The following TNNI3K variants were observed in gnomAD, a reference collection of about 807,000 sequenced individuals.
The protein encoded by TNNI3K is serine/threonine-protein kinase TNNI3K.
Under a neutral mutation model 114.5 loss-of-function variants are expected in TNNI3K, and 140 were observed. The observed-to-expected ratio is 1.22, with a 90% CI of 1.07 to 1.41. The LOEUF (loss-of-function observed/expected upper bound fraction) is 1.41. TNNI3K is among the 40% of genes most tolerant of loss of function. The pLI is 0.00. For synonymous variants in TNNI3K, 347 were observed against 347.5 expected (o/e 1.00, Z 0.02); for missense variants, 1,125 against 1,007.6 (o/e 1.12, Z -1.58).
intron 17 of TNNI3K, among the ~76,000 whole-genome samples, chr1:74,392,855 G>A (rs1339822328): frequency 6.6e-6 from 1 of 152,158 alleles, no homozygotes; most frequent in African/African-American, 2.4e-5. Flanking sequence ...TGCAAATGTT[G>A]GGAAGCATAA....
In TNNI3K at chr1:74,354,034, A is replaced by G. The variant is rs370193899; in HGVS notation, c.1082A>G (p.Asp361Gly). 41 of 1,613,946 alleles carry G rather than the reference A, an allele frequency of 2.5e-5. No homozygotes were observed. Among genetic ancestry groups the G allele is most frequent in the Non-Finnish European group, 3.5e-5 (41 of 1,180,010 alleles). ...ATTCGCCTGGTTCAGTTCTTACTGG[A>G]TAATGGAGCTGATATGAATCTAGTG... ...GHIRLVQFLL[D>G]NGADMNLVAC... The change falls in exon 11 of 25, where the codon GAT becomes GGT. Residue 361 changes from aspartate (D) to glycine (G), a missense_variant. By Grantham distance (94) the Asp-to-Gly change is moderately conservative. Transcript: ENST00000326637.
At chr1:74,400,253 C>G (rs1051677830) in intron 17 of TNNI3K, among the ~76,000 whole-genome samples, 1 of 152,156 alleles carries the variant, frequency 6.6e-6, no homozygotes, top group Admixed American at 6.5e-5. Context: ...GTCACCAACT[C>G]CACCCAAACC....
chr1:74,324,276 C>T (rs906028658), intron 5 of TNNI3K, among the ~76,000 whole-genome samples: 1 of 152,226 alleles, frequency 6.6e-6, no homozygotes, highest in Non-Finnish European at 1.5e-5. Flanking sequence ...AGGAGGGTCA[C>T]TCTTTAGGAG....
intron 2 of TNNI3K, among the ~76,000 whole-genome samples, chr1:74,244,012 G>T (rs760441681): frequency 6.6e-6 from 1 of 152,050 alleles, no homozygotes; most frequent in Non-Finnish European, 1.5e-5. Context: ...CAAAAGAAGA[G>T]AAAATGGAAT....
intron 23 of TNNI3K, among the ~76,000 whole-genome samples, chr1:74,511,634 T>A (rs1392055407): frequency 1.3e-5 from 2 of 152,014 alleles, no homozygotes; most frequent in Admixed American, 6.6e-5. Flanking sequence ...CAATGATGGA[T>A]TAGAGATCTC....
intron 7 of TNNI3K, among the ~76,000 whole-genome samples, chr1:74,339,688 T>C (rs1660654813): frequency 6.6e-6 from 1 of 152,014 alleles, no homozygotes; most frequent in Non-Finnish European, 1.5e-5. Flanking sequence ...ACCTATTCAG[T>C]TAGGTATGTT....
chr1:74,541,293 C>T (rs1419219339), intron 24 of TNNI3K, among the ~76,000 whole-genome samples: 4 of 152,036 alleles, frequency 2.6e-5, no homozygotes. Flanking sequence ...TTTTAAGAAA[C>T]AAAGAAAAAT....
chr1:74,510,683 G>T (rs1670142602), intron 23 of TNNI3K, among the ~76,000 whole-genome samples: 1 of 152,146 alleles, frequency 6.6e-6, no homozygotes, highest in Non-Finnish European at 1.5e-5. Flanking sequence ...CTTTGGGAAA[G>T]ACATATATAG....
At chr1:74,439,328 T>C (rs1428256339) in intron 19 of TNNI3K, 162 bp from the exon 20 acceptor site, 35 of 1,125,062 alleles carry the variant, frequency 3.1e-5, no homozygotes, top group Non-Finnish European at 4.1e-5. Context: ...ATAAACATGT[T>C]TATTGCACAC....
At chr1:74,425,866 T>C (rs1032391476) in intron 17 of TNNI3K, among the ~76,000 whole-genome samples, 4 of 152,024 alleles carry the variant, frequency 2.6e-5, no homozygotes, top group African/African-American at 9.7e-5. Context: ...AGAGCTAAAA[T>C]AGCCCTAAAC....
At chr1:74,245,443 G>A (rs1042576489) in intron 2 of TNNI3K, among the ~76,000 whole-genome samples, 16 of 152,074 alleles carry the variant, frequency 1.1e-4, no homozygotes, top group Admixed American at 6.5e-4. Flanking sequence ...GAGGTCCACG[G>A]TGCTCCCAGG....
chr1:74,351,303 C>T (rs1043455029), intron 9 of TNNI3K, among the ~76,000 whole-genome samples: 3 of 151,370 alleles, frequency 2.0e-5, no homozygotes, highest in Non-Finnish European at 4.4e-5. Flanking sequence ...CCCCCACTCT[C>T]TTCTGGCTTG....
intron 3 of TNNI3K, among the ~76,000 whole-genome samples, chr1:74,250,238 C>T (rs932875030): frequency 6.6e-6 from 1 of 152,204 alleles, no homozygotes; most frequent in Non-Finnish European, 1.5e-5. Flanking sequence ...AGATTGTTCT[C>T]TCAACTTCAA....
At chr1:74,436,601 T>C (rs1470931218) in intron 19 of TNNI3K, 75 bp downstream of exon 19, 6 of 1,468,706 alleles carry the variant, frequency 4.1e-6, no homozygotes, top group Non-Finnish European at 5.5e-6. Flanking sequence ...GGACGTAAGA[T>C]GAGAGCAGTT....
chr1:74,480,048 C>A, intron 21 of TNNI3K: 1 of 618,150 alleles, frequency 1.6e-6, no homozygotes, highest in Non-Finnish European at 2.9e-6. Flanking sequence ...CCTCTCCTTT[C>A]CATAGCCCTG....
At chr1:74,324,464 G>T (rs1469035062) in intron 5 of TNNI3K, among the ~76,000 whole-genome samples, 1 of 152,190 alleles carries the variant, frequency 6.6e-6, no homozygotes, top group South Asian at 2.1e-4. Context: ...AAAGCTATCT[G>T]CTCAATAGGA....
At chr1:74,481,032 G>A (rs1668475949) in intron 21 of TNNI3K, 1 of 637,576 alleles carries the variant, frequency 1.6e-6, no homozygotes, top group African/African-American at 1.8e-5. Flanking sequence ...GGGGTATGGT[G>A]GAGAGCAGAG....
chr1:74,458,332 C>T (rs1667313110), intron 20 of TNNI3K, among the ~76,000 whole-genome samples: 1 of 152,194 alleles, frequency 6.6e-6, no homozygotes, highest in East Asian at 1.9e-4. Context: ...AATTAATGCT[C>T]ATGAGGCAAA....
In TNNI3K at chr1:74,451,693, T is replaced by A. The variant is rs1416734871; in HGVS notation, c.2012-11748T>A. On this transcript the variant is annotated intron_variant, in intron 20 of 24. Coordinates refer to ENST00000326637, the MANE Select transcript of TNNI3K (RefSeq NM_015978.3). ...TTTTCTTTTCTTTTCTTTTCTTTCT[T>A]TCTTTCTTTCTTTCTTTCTTTCTTT... 5.1e-3 allele frequency among the ~76,000 whole-genome samples: 352 copies of A among 69,566 alleles called. 7 individuals carry two copies. Among genetic ancestry groups the A allele is most frequent in the African/African-American group, 0.022 (332 of 15,320 alleles). 45.6% of individuals were successfully genotyped at this position (69,566 alleles called of 152,430 possible). A position where few individuals can be genotyped will look rare whatever the true frequency, so the allele number is the denominator to read the frequency against.
Sources: allele counts gnomAD v4.1 joint callset (sites outside exome capture counted in the v4.1 genomes callset), GRCh38; gene constraint gnomAD v4.1.1; transcripts MANE v1.5; gene names NCBI Gene and HGNC (gene_info 2026-07-23, HGNC 2026-07-21).